TNC: variants seen among roughly 807,000 people sequenced by gnomAD.
The protein encoded by TNC is tenascin.
In TNC, 109 loss-of-function variants were observed where a neutral mutation model predicts 202.4. The observed-to-expected ratio is 0.54, with a 90% CI of 0.46 to 0.63. TNC has a LOEUF of 0.63. TNC is among the 30% of genes least tolerant of loss of function. The pLI is 0.00. For synonymous variants in TNC, 1,007 were observed against 1,089.7 expected (o/e 0.92, Z 1.50); for missense variants, 2,756 against 2,833.3 (o/e 0.97, Z 0.62).
chr9:115,116,942 T>C (rs1837511873), intron 1 of TNC, among the ~76,000 whole-genome samples: 1 of 152,208 alleles, frequency 6.6e-6, no homozygotes, highest in Non-Finnish European at 1.5e-5. Flanking sequence ...TCAATGCCTC[T>C]TTTAACTTCC....
chr9:115,052,520 TG>T (rs1263960439), intron 15 of TNC, among the ~76,000 whole-genome samples: 2 of 144,684 alleles, frequency 1.4e-5, no homozygotes, highest in Non-Finnish European at 3.1e-5. Context: ...TAAGGTGAGG[TG>T]ATTGATATGT....
chr9:115,108,889 AG>A (rs1333627290), intron 1 of TNC, among the ~76,000 whole-genome samples: 1 of 152,234 alleles, frequency 6.6e-6, no homozygotes, highest in African/African-American at 2.4e-5. Context: ...CAGAACTGTG[AG>A]AAAGTAATTT....
intron 26 of TNC, 24 bp from the exon 27 acceptor site, chr9:115,024,160 C>A (rs1564398710): frequency 6.2e-7 from 1 of 1,604,804 alleles, no homozygotes. Flanking sequence ...AAAATATGGA[C>A]CTGAGAAATC....
At chr9:115,066,147 G>A (rs57944735) in intron 10 of TNC, among the ~76,000 whole-genome samples, 1 of 152,110 alleles carries the variant, frequency 6.6e-6, no homozygotes, top group African/African-American at 2.4e-5. Flanking sequence ...GGGAGAAGCA[G>A]ATCTTATGAA....
At position 115,020,811 on chromosome 9, in the gene TNC, G is replaced by T. The variant is rs1829010378; in HGVS notation, c.*346C>A. ...ATTATACAGCTTCATGTAAAATACG[G>T]CTGGTTCTAAAACAAACTACCCCTG... is the stretch of plus-strand genomic sequence containing the variant. On this transcript the variant is annotated 3_prime_UTR_variant, in exon 28 of 28. Transcript: ENST00000350763. The T allele has an allele frequency of 3.5e-6, 1 of 283,344 alleles. No individual in the cohort carries two copies. Among genetic ancestry groups the T allele is most frequent in the South Asian group, 4.8e-5 (1 of 20,642 alleles). 17.6% of individuals were successfully genotyped at this position (283,344 alleles called of 1,614,324 possible).
chr9:115,051,542 T>C (rs2132271269), intron 15 of TNC, among the ~76,000 whole-genome samples: 1 of 151,576 alleles, frequency 6.6e-6, no homozygotes, highest in South Asian at 2.1e-4. Context: ...TTTTTCTTTT[T>C]TTTTTTTTTC....
In TNC at chr9:115,090,643, G is replaced by C. The variant is rs755695211; in HGVS notation, c.376C>G (p.Leu126Val). The C allele has an allele frequency of 1.9e-6, 3 of 1,613,230 alleles. No individual in the cohort carries two copies. The African/African-American group carries it at 4.0e-5, about 21-fold the overall frequency. The change falls in exon 2 of 28, where the codon CTG (leucine) becomes GTG (valine). Residue 126 changes from leucine to valine, a missense_variant. By Grantham distance (32) the Leu-to-Val change is conservative. Around this residue, in one of 2 missense-constraint regions of TNC, gnomAD observed 2,559 missense variants for 2,546.0 expected, o/e 1.01. Coordinates refer to ENST00000350763, the MANE Select transcript of TNC (RefSeq NM_002160.4). The part of the protein sequence containing the change: ...APDVKELLSR[L>V]EELENLVSSL... ...GACACCAGGTTCTCCAGCTCCTCCA[G>C]TCTGCTCAGCAGCTCCTTAACATCA... is the stretch of plus-strand genomic sequence containing the variant.
rs2131790876 is a variant in TNC at position 115,035,259 on chromosome 9, C to CG, written c.5731dup (p.Arg1911ProfsTer12). The CG allele has an allele frequency of 3.7e-6, 6 of 1,612,992 alleles. No homozygotes were observed. Among genetic ancestry groups the CG allele is most frequent in the Admixed American group, 1.7e-5 (1 of 59,912 alleles). On this transcript the variant is annotated frameshift_variant, in exon 22 of 28. Coordinates refer to ENST00000350763, the MANE Select transcript of TNC (RefSeq NM_002160.4). LOFTEE classifies it high-confidence loss of function. ...CAGCAGGTAACCGGTGACTGATGCC[C>CG]GGGGGGGTCGCCAGGTAAGGAGGGC...
At chr9:115,023,292 T>A (rs935042635) in intron 27 of TNC, among the ~76,000 whole-genome samples, 1 of 152,140 alleles carries the variant, frequency 6.6e-6, no homozygotes, top group Admixed American at 6.6e-5. Context: ...TATGATTAAG[T>A]GGCTAGTCCC....
At position 115,048,523 on chromosome 9, in the gene TNC, G is replaced by C; in HGVS notation, c.4589C>G (p.Pro1530Arg). Reference protein sequence around the residue: ...ISATATTEALPLLENLTISDI... With the variant: ...ISATATTEALRLLENLTISDI... ...GGAAATGGTTAGGTTTTCCAGAAGGGGCAGGGCCTCTGAAAGAAGGGAGGA... is the reference window on the plus strand; with the variant it reads ...GGAAATGGTTAGGTTTTCCAGAAGGCGCAGGGCCTCTGAAAGAAGGGAGGA... The change falls in exon 16 of 28, where the codon CCC (proline) becomes CGC (arginine). Residue 1530 changes from proline (P) to arginine (R), a missense_variant. Around this residue, in one of 2 missense-constraint regions of TNC, gnomAD observed 2,559 missense variants for 2,546.0 expected, o/e 1.01. Transcript: ENST00000350763. The C allele has an allele frequency of 6.2e-7, 1 of 1,611,180 alleles. No homozygotes were observed.
At chr9:115,044,632 C>T (rs1308809515) in intron 17 of TNC, among the ~76,000 whole-genome samples, 1 of 152,000 alleles carries the variant, frequency 6.6e-6, no homozygotes, top group Non-Finnish European at 1.5e-5. Flanking sequence ...AATCAATGAT[C>T]AGAAGAAGTA....
At chr9:115,047,647 T>G (rs2132152415) in intron 16 of TNC, among the ~76,000 whole-genome samples, 1 of 152,182 alleles carries the variant, frequency 6.6e-6, no homozygotes, top group East Asian at 1.9e-4. Flanking sequence ...CTTTGAACAT[T>G]CTGTGGAGCT....
chr9:115,074,540 C>G (rs1833698765), intron 9 of TNC, among the ~76,000 whole-genome samples: 1 of 152,180 alleles, frequency 6.6e-6, no homozygotes, highest in Non-Finnish European at 1.5e-5. Context: ...CTAAGGTATT[C>G]TTATTCTTGT....
intron 10 of TNC, among the ~76,000 whole-genome samples, chr9:115,069,887 A>T (rs544622869): frequency 1.2e-4 from 17 of 147,770 alleles, no homozygotes; most frequent in African/African-American, 4.3e-4. Flanking sequence ...ATTAAGCGGA[A>T]TTGAAGACTT....
At chr9:115,029,265 A>G (rs898906782) in intron 25 of TNC, 95 bp downstream of exon 25, 10 of 1,050,562 alleles carry the variant, frequency 9.5e-6, no homozygotes, top group Non-Finnish European at 1.3e-5. Flanking sequence ...CTTCTTCCTC[A>G]TCTCTTTCTC....
intron 7 of TNC, among the ~76,000 whole-genome samples, chr9:115,077,533 C>T (rs539216328): frequency 6.6e-6 from 1 of 152,346 alleles, no homozygotes; most frequent in South Asian, 2.1e-4. Context: ...TTACTGAGCT[C>T]TGAAAAATAT....
chr9:115,069,101 A>G (rs1315153357), intron 10 of TNC, among the ~76,000 whole-genome samples: 1 of 152,234 alleles, frequency 6.6e-6, no homozygotes, highest in Non-Finnish European at 1.5e-5. Flanking sequence ...GGATGAATAA[A>G]TATTTGAATA....
At chr9:115,039,208 G>T (rs1202230155) in intron 19 of TNC, among the ~76,000 whole-genome samples, 1 of 152,154 alleles carries the variant, frequency 6.6e-6, no homozygotes, top group Non-Finnish European at 1.5e-5. Flanking sequence ...CTGGAGGCCG[G>T]TGGTCCCGGG....
At chr9:115,063,236 A>T in intron 12 of TNC, 47 bp from the exon 13 acceptor site, 1 of 1,598,500 alleles carries the variant, frequency 6.3e-7, no homozygotes, top group East Asian at 2.2e-5. Context: ...AGGCAATTGC[A>T]CGCTGGGATT....
Sources: gnomAD v4.1 joint callset for allele counts (sites outside exome capture counted in the v4.1 genomes callset) on GRCh38, gnomAD v4.1.1 for gene constraint, gnomAD v4.1.1 regional missense constraint, MANE v1.5 for transcripts, NCBI Gene and HGNC (gene_info 2026-07-23, HGNC 2026-07-21) for gene names.